Variants in ARHGAP22 observed in about 807,000 individuals in gnomAD.
The protein encoded by ARHGAP22 is Rho GTPase activating protein 22.
A neutral mutation model predicts 59.1 loss-of-function variants in ARHGAP22; 48 were observed. The ratio of observed to expected loss-of-function variants is 0.81; its 90% CI spans 0.64 to 1.03. The LOEUF (loss-of-function observed/expected upper bound fraction) is 1.03, where lower values mean the gene tolerates loss of function less well. Among genes scored for constraint, ARHGAP22 ranks in the 50% least tolerant of loss-of-function variants. ARHGAP22 has a pLI of 0.00. For synonymous variants in ARHGAP22, 445 were observed against 416.4 expected, an observed-to-expected ratio of 1.07 and a Z score of -0.84; for missense variants, 1,015 against 958.7, an observed-to-expected ratio of 1.06 and a Z score of -0.78.
intron 1 of ARHGAP22, among the ~76,000 whole-genome samples, chr10:48,622,278 C>CT (rs560438508): frequency 1.3e-5 from 2 of 151,630 alleles, no homozygotes; most frequent in South Asian, 2.1e-4. Flanking sequence ...CTTTTAAGAC[C>CT]TTTTTTTCTT....
upstream of ARHGAP22, among the ~76,000 whole-genome samples, chr10:48,654,951 C>G (rs897974112): frequency 1.1e-5 from 1 of 89,476 alleles, no homozygotes; most frequent in Non-Finnish European, 2.4e-5. Flanking sequence ...CTTTCTTTCT[C>G]TCTTTCTCCT....
chr10:48,513,336 T>C (rs1185967519), intron 3 of ARHGAP22, among the ~76,000 whole-genome samples: 2 of 152,202 alleles, frequency 1.3e-5, no homozygotes, highest in African/African-American at 2.4e-5. Flanking sequence ...AGCAGCGCTA[T>C]GCCATTGTGG....
At chr10:48,540,345 C>T (rs987490267) in intron 3 of ARHGAP22, among the ~76,000 whole-genome samples, 2 of 152,194 alleles carry the variant, frequency 1.3e-5, no homozygotes, top group East Asian at 3.9e-4. Context: ...CATTCTCCTG[C>T]CTCAGCCTCC....
At chr10:48,565,893 G>T (rs1359290660) in intron 2 of ARHGAP22, among the ~76,000 whole-genome samples, 1 of 152,198 alleles carries the variant, frequency 6.6e-6, no homozygotes, top group Non-Finnish European at 1.5e-5. Flanking sequence ...CATGAAATGA[G>T]GTGTGAAACA....
intron 3 of ARHGAP22, among the ~76,000 whole-genome samples, chr10:48,555,039 T>C (rs1281740355): frequency 1.3e-5 from 2 of 152,218 alleles, no homozygotes; most frequent in African/African-American, 2.4e-5. Flanking sequence ...AGAGCAGTTC[T>C]TTAGGAAAAT....
At chr10:48,571,843 C>T (rs1325939316) in intron 2 of ARHGAP22, among the ~76,000 whole-genome samples, 2 of 152,182 alleles carry the variant, frequency 1.3e-5, no homozygotes, top group African/African-American at 4.8e-5. Flanking sequence ...GTTTTTCTCT[C>T]ATTCACGCTT....
intron 8 of ARHGAP22, among the ~76,000 whole-genome samples, chr10:48,452,075 C>T (rs74830708): frequency 0.024 from 3,579 of 152,216 alleles, 148 homozygotes; most frequent in African/African-American, 0.081. Flanking sequence ...CATATAATCT[C>T]GCACACACAC....
intron 3 of ARHGAP22, among the ~76,000 whole-genome samples, chr10:48,531,123 A>ATT (rs2054804023): frequency 1.3e-5 from 2 of 152,362 alleles, no homozygotes; most frequent in Admixed American, 1.3e-4. Flanking sequence ...CATTTGCAGC[A>ATT]ACTTAGATGG....
At chr10:48,509,310 G>A (rs2052509441) in intron 3 of ARHGAP22, among the ~76,000 whole-genome samples, 1 of 152,176 alleles carries the variant, frequency 6.6e-6, no homozygotes, top group South Asian at 2.1e-4. Context: ...GAGCACCCAG[G>A]ACAGGGAGGA....
intron 2 of ARHGAP22, among the ~76,000 whole-genome samples, chr10:48,568,829 T>C (rs1446119728): frequency 6.6e-6 from 1 of 152,184 alleles, no homozygotes; most frequent in Non-Finnish European, 1.5e-5. Context: ...TTGGCAGCAC[T>C]GAACCACCGG....
intron 5 of ARHGAP22, 78 bp downstream of exon 5, chr10:48,459,606 G>A (rs1172982728): frequency 6.6e-7 from 1 of 1,515,674 alleles, no homozygotes. Flanking sequence ...CCTGCCCACT[G>A]GAGCTGGTGT....
intron 3 of ARHGAP22, among the ~76,000 whole-genome samples, chr10:48,481,864 T>C (rs964683243): frequency 6.6e-6 from 1 of 152,232 alleles, no homozygotes; most frequent in African/African-American, 2.4e-5. Flanking sequence ...TGACTGATGA[T>C]ATTGGACATC....
intron 1 of ARHGAP22, among the ~76,000 whole-genome samples, chr10:48,647,725 G>A (rs774425729): frequency 6.6e-6 from 1 of 152,168 alleles, no homozygotes; most frequent in African/African-American, 2.4e-5. Context: ...GTTCACAGAA[G>A]CATATGCATG....
chr10:48,445,902 C>T, downstream of ARHGAP22: 1 of 162,372 alleles, frequency 6.2e-6, no homozygotes, highest in Non-Finnish European at 1.4e-5. Context: ...CTTCACGTCC[C>T]ACTTCACAAT....
At chr10:48,545,605 AGGC>A in intron 3 of ARHGAP22, among the ~76,000 whole-genome samples, 1 of 152,316 alleles carries the variant, frequency 6.6e-6, no homozygotes, top group East Asian at 1.9e-4. Context: ...CTCCCCACTC[AGGC>A]GGCGGCTAAT....
chr10:48,436,911 A>G, the ARHGAP22 span: 2 of 152,232 alleles, frequency 1.3e-5, no homozygotes, highest in Admixed American at 1.3e-4. Context: ...TTCAGCAGAA[A>G]TTTGAGAATG....
intron 2 of ARHGAP22, among the ~76,000 whole-genome samples, chr10:48,558,696 A>C (rs192198517): frequency 9.9e-5 from 15 of 152,278 alleles, no homozygotes; most frequent in Admixed American, 6.5e-5. Context: ...GTAAGTGTTC[A>C]ATCAGAATAG....
intron 1 of ARHGAP22, among the ~76,000 whole-genome samples, chr10:48,629,834 C>A (rs763029194): frequency 2.7e-4 from 41 of 152,186 alleles, no homozygotes; most frequent in Non-Finnish European, 3.7e-4. Context: ...TCCGCAAACA[C>A]AGAACAGCTC....
chr10:48,449,752 C>A (rs990034322), intron 9 of ARHGAP22, among the ~76,000 whole-genome samples: 2 of 152,150 alleles, frequency 1.3e-5, no homozygotes, highest in Non-Finnish European at 1.5e-5. Context: ...TGCAGCACAA[C>A]CATCCTGTGA....
Sources: allele counts gnomAD v4.1 joint callset (sites outside exome capture counted in the v4.1 genomes callset), GRCh38; gene constraint gnomAD v4.1.1; transcripts MANE v1.5; gene names NCBI Gene and HGNC (gene_info 2026-07-23, HGNC 2026-07-21).